Variants in QTGAL observed in about 807,000 individuals in gnomAD.
QTGAL encodes the protein BGnT-like protein 1.
At chr17:82,985,795 G>A in the QTGAL span, among the ~76,000 whole-genome samples, 1 of 152,208 alleles carries the variant, frequency 6.6e-6, no homozygotes, top group Non-Finnish European at 1.5e-5. Flanking sequence ...CAGTTAAGAA[G>A]AAGAGAGGCC....
the QTGAL span, among the ~76,000 whole-genome samples, chr17:83,046,995 C>T: frequency 0.03 from 4,637 of 152,328 alleles, 244 homozygotes; most frequent in African/African-American, 0.11. Context: ...ACTCCATTCA[C>T]ATGAAATGTC....
chr17:83,018,455 A>T, the QTGAL span, among the ~76,000 whole-genome samples: 2 of 148,474 alleles, frequency 1.3e-5, no homozygotes, highest in South Asian at 4.2e-4. Context: ...AAACACACAC[A>T]TACACTTTTT....
chr17:83,028,282 T>C, the QTGAL span, among the ~76,000 whole-genome samples: 12 of 150,584 alleles, frequency 8.0e-5, no homozygotes, highest in Non-Finnish European at 1.5e-4. Context: ...CCCAGCACTT[T>C]GGGAGGCCGA....
chr17:83,022,382 A>G, the QTGAL span, among the ~76,000 whole-genome samples: 1 of 73,176 alleles, frequency 1.4e-5, no homozygotes, highest in Non-Finnish European at 2.6e-5. Context: ...TCCCCGGCCC[A>G]CCTGCACCAG....
At chr17:82,946,415 AAC>A in the QTGAL span, among the ~76,000 whole-genome samples, 1 of 152,224 alleles carries the variant, frequency 6.6e-6, no homozygotes, top group Non-Finnish European at 1.5e-5. Flanking sequence ...CTACATTTGT[AAC>A]ACAGTCTTAG....
the QTGAL span, chr17:83,048,460 T>C: frequency 6.3e-7 from 1 of 1,588,986 alleles, no homozygotes; most frequent in Non-Finnish European, 8.6e-7. Context: ...AAACTAAGCA[T>C]GTTTACTTAC....
chr17:83,006,117 G>T, the QTGAL span: 23 of 989,228 alleles, frequency 2.3e-5, no homozygotes, highest in Non-Finnish European at 2.8e-5. The surrounding 1 kb of genome is among the most constrained non-coding windows in gnomAD (Gnocchi z 5.8). Flanking sequence ...CAGGTCACAA[G>T]TCCCAGCGGA....
At chr17:82,986,362 C>T in the QTGAL span, among the ~76,000 whole-genome samples, 1 of 152,204 alleles carries the variant, frequency 6.6e-6, no homozygotes, top group African/African-American at 2.4e-5. Flanking sequence ...GGCTCCCGTG[C>T]AATGCCAGGT....
chr17:83,039,756 G>A, the QTGAL span, among the ~76,000 whole-genome samples: 3 of 152,328 alleles, frequency 2.0e-5, no homozygotes, highest in Non-Finnish European at 4.4e-5. Flanking sequence ...CGAGGTGGCC[G>A]TGGAGCCGAC....
At chr17:82,995,062 A>ATTT in the QTGAL span, among the ~76,000 whole-genome samples, 1 of 152,228 alleles carries the variant, frequency 6.6e-6, no homozygotes, top group Non-Finnish European at 1.5e-5. Context: ...GCCATATACA[A>ATTT]AAGATCCACA....
chr17:82,968,300 G>A, the QTGAL span, among the ~76,000 whole-genome samples: 1 of 152,168 alleles, frequency 6.6e-6, no homozygotes, highest in Non-Finnish European at 1.5e-5. Flanking sequence ...AAGCCCTGTG[G>A]TGCCCGTACC....
At chr17:82,957,072 C>G in the QTGAL span, 1 of 1,462,212 alleles carries the variant, frequency 6.8e-7, no homozygotes, top group Middle Eastern at 2.0e-4. Context: ...CCCCGAGGAG[C>G]CAGCACGGCC....
At chr17:83,034,639 C>T in the QTGAL span, among the ~76,000 whole-genome samples, 4 of 152,228 alleles carry the variant, frequency 2.6e-5, no homozygotes, top group Admixed American at 6.5e-5. Context: ...ACAATTCCCA[C>T]GTGTCGTGGG....
At chr17:82,986,215 G>A in the QTGAL span, among the ~76,000 whole-genome samples, 3 of 152,180 alleles carry the variant, frequency 2.0e-5, no homozygotes, top group East Asian at 3.8e-4. Context: ...GCTTGCTGCC[G>A]CCGGTGCAGA....
chr17:82,958,942 CTG>C, the QTGAL span, among the ~76,000 whole-genome samples: 4 of 45,084 alleles, frequency 8.9e-5, no homozygotes, highest in African/African-American at 1.7e-4. Context: ...TGTGTGTATA[CTG>C]TGTGGGGGTG....
chr17:82,968,959 C>A, the QTGAL span, among the ~76,000 whole-genome samples: 51 of 152,058 alleles, frequency 3.4e-4, 1 homozygote, highest in South Asian at 0.01. Context: ...TGTGGTGAAA[C>A]CCCATCTCTA....
the QTGAL span, chr17:82,943,573 G>A: frequency 0.11 from 17,026 of 152,360 alleles, 1,160 homozygotes; most frequent in South Asian, 0.26. Flanking sequence ...TGGGCAGGCC[G>A]AGAACTGGGA....
chr17:82,973,885 C>T, the QTGAL span, among the ~76,000 whole-genome samples: 1 of 152,174 alleles, frequency 6.6e-6, no homozygotes, highest in African/African-American at 2.4e-5. Context: ...GGATTCAACT[C>T]CTCTCCCGTG....
At chr17:82,965,451 C>A in the QTGAL span, among the ~76,000 whole-genome samples, 1 of 152,216 alleles carries the variant, frequency 6.6e-6, no homozygotes, top group African/African-American at 2.4e-5. Flanking sequence ...CATGCAGAAA[C>A]CCCCTGCTTT....
Sources: allele counts gnomAD v4.1 joint callset (sites outside exome capture counted in the v4.1 genomes callset), GRCh38; gene constraint gnomAD v4.1.1; non-coding constraint Gnocchi (gnomAD v3.1); transcripts MANE v1.5; gene names NCBI Gene and HGNC (gene_info 2026-07-23, HGNC 2026-07-21).